Variants in MGAT4C observed in about 807,000 individuals in gnomAD.
MGAT4C encodes alpha-1,3-mannosyl-glycoprotein 4-beta-N-acetylglucosaminyltransferase C.
MGAT4C carries 19 observed loss-of-function variants against 40.1 expected under a neutral mutation model. The observed-to-expected ratio is 0.47, with a 90% CI of 0.33 to 0.70. The LOEUF is 0.70. MGAT4C is among the 30% of genes least tolerant of loss of function. MGAT4C has a pLI of 0.02. For missense variants in MGAT4C, 491 were observed against 563.2 expected (o/e 0.87, Z 1.30); for synonymous variants, 181 against 187.1 (o/e 0.97, Z 0.27).
intron 2 of MGAT4C, among the ~76,000 whole-genome samples, chr12:86,659,965 G>T (rs753564971): frequency 6.6e-6 from 1 of 150,604 alleles, no homozygotes; most frequent in African/African-American, 2.4e-5. Flanking sequence ...TAGCATGTCA[G>T]AACGAGGAAG....
chr12:86,087,333 T>G (rs2135558728), intron 1 of MGAT4C, among the ~76,000 whole-genome samples: 1 of 152,250 alleles, frequency 6.6e-6, no homozygotes, highest in Admixed American at 6.6e-5. Flanking sequence ...TTTCAGTTAT[T>G]TTGTTGCTTC....
chr12:86,128,949 T>G (rs1880743483), intron 1 of MGAT4C, among the ~76,000 whole-genome samples: 1 of 152,112 alleles, frequency 6.6e-6, no homozygotes, highest in Admixed American at 6.6e-5. Flanking sequence ...ACTTTGGCTT[T>G]TTGTTTGCTT....
Position 86,659,782 on chromosome 12 carries a change from C to T in MGAT4C, c.-229+67427G>A, listed in dbSNP as rs1177570895. ...GCAGAGAAGTCACTGTGGTTCTGCACCTGTGGAACTTGCTGAAAATATGTC... is the reference window on the plus strand; with the variant it reads ...GCAGAGAAGTCACTGTGGTTCTGCATCTGTGGAACTTGCTGAAAATATGTC... On this transcript the variant is annotated intron_variant, in intron 2 of 7. Transcript: ENST00000548651. Among the ~76,000 whole-genome samples the T allele has an allele frequency of 7.2e-5, 11 of 151,992 alleles. 1 individual carries two copies.
chr12:85,997,481 GA>G (rs1419340536), intron 2 of MGAT4C, among the ~76,000 whole-genome samples: 1 of 152,100 alleles, frequency 6.6e-6, no homozygotes, highest in Admixed American at 6.5e-5. Flanking sequence ...AGTCTCATCC[GA>G]GACAAGGCAA....
rs528932457 is a variant in MGAT4C, at chr12:86,122,559, C to A, written c.-56-72836G>T. ...TCTATAACATCTCTAAAGTGGTGTG[C>A]AAGCATTTCATCTACGTTAATTATA... On this transcript the variant is annotated intron_variant, in intron 1 of 4. Coordinates refer to ENST00000611864, the MANE Select transcript of MGAT4C (RefSeq NM_001351288.2). 4.9e-4 allele frequency among the ~76,000 whole-genome samples: 75 copies of A among 152,176 alleles called. 2 individuals carry two copies. The highest frequency in any genetic ancestry group is 3.5e-3 in the South Asian group (17 of 4,830).
chr12:86,714,681 T>C (rs1950614143), intron 2 of MGAT4C, among the ~76,000 whole-genome samples: 1 of 152,002 alleles, frequency 6.6e-6, no homozygotes. Flanking sequence ...AACCTCTTTT[T>C]CTTTATAAAT....
At chr12:86,123,012 A>G (rs1302907936) in intron 1 of MGAT4C, among the ~76,000 whole-genome samples, 1 of 152,146 alleles carries the variant, frequency 6.6e-6, no homozygotes, top group East Asian at 1.9e-4. Context: ...TTGTATCTAG[A>G]CAAGCCAGTA....
intron 1 of MGAT4C, among the ~76,000 whole-genome samples, chr12:86,197,779 A>C (rs1039142433): frequency 3.3e-5 from 5 of 152,238 alleles, no homozygotes; most frequent in Non-Finnish European, 5.9e-5. Context: ...TCAAAAAAGT[A>C]AAAGATGCAT....
At chr12:86,421,961 T>C (rs1956836623) in intron 3 of MGAT4C, among the ~76,000 whole-genome samples, 1 of 152,218 alleles carries the variant, frequency 6.6e-6, no homozygotes. Flanking sequence ...TTATTCTCAA[T>C]TACTTAAATG....
chr12:86,461,115 T>G (rs966048948), intron 2 of MGAT4C, among the ~76,000 whole-genome samples: 1 of 152,082 alleles, frequency 6.6e-6, no homozygotes, highest in African/African-American at 2.4e-5. Flanking sequence ...ATCATGGGAA[T>G]AGGTATAGAT....
intron 3 of MGAT4C, among the ~76,000 whole-genome samples, chr12:86,406,288 T>C (rs1183205068): frequency 6.6e-6 from 1 of 151,594 alleles, no homozygotes; most frequent in African/African-American, 2.4e-5. Context: ...GTGAATTTCC[T>C]TATTAAGAGG....
intron 1 of MGAT4C, among the ~76,000 whole-genome samples, chr12:86,076,541 T>C (rs1297185850): frequency 1.3e-5 from 2 of 151,646 alleles, no homozygotes; most frequent in Non-Finnish European, 3.0e-5. Flanking sequence ...TACCGGAAAC[T>C]GGGAAGAAAA....
chr12:86,685,395 A>G (rs930471425), intron 2 of MGAT4C, among the ~76,000 whole-genome samples: 3 of 152,116 alleles, frequency 2.0e-5, no homozygotes, highest in African/African-American at 7.2e-5. Context: ...ATTGGTCTAT[A>G]TATCTGTTTT....
At position 86,325,489 on chromosome 12, in the gene MGAT4C, T is replaced by C. The variant is rs142489388; in HGVS notation, c.-57+8576A>G. ...AAAAGGATTACAGTTCAATCCTGACTTGACTACTTTGTTCTGTGCATGAGC... is the reference window on the plus strand; with the variant it reads ...AAAAGGATTACAGTTCAATCCTGACCTGACTACTTTGTTCTGTGCATGAGC... On this transcript the variant is annotated intron_variant, in intron 4 of 7. Coordinates refer to the MGAT4C transcript ENST00000548651. Among the ~76,000 whole-genome samples, 502 of 152,344 alleles carry C rather than the reference T, an allele frequency of 3.3e-3. 5 individuals carry two copies. The highest frequency in any genetic ancestry group is 0.011 in the African/African-American group (471 of 41,580).
chr12:86,199,244 A>G (rs1041942898), intron 1 of MGAT4C, among the ~76,000 whole-genome samples: 4 of 152,110 alleles, frequency 2.6e-5, no homozygotes, highest in African/African-American at 9.7e-5. Flanking sequence ...TCAGGGATAG[A>G]AGCAGCAGTG....
At chr12:86,191,359 G>A (rs1195415939) in intron 1 of MGAT4C, among the ~76,000 whole-genome samples, 4 of 151,786 alleles carry the variant, frequency 2.6e-5, no homozygotes, top group Admixed American at 1.3e-4. Context: ...AAAACTACGT[G>A]AAATGTCTCC....
chr12:86,274,263 C>G (rs1370474717), intron 4 of MGAT4C, among the ~76,000 whole-genome samples: 1 of 152,140 alleles, frequency 6.6e-6, no homozygotes, highest in African/African-American at 2.4e-5. Context: ...TACCAGGTTC[C>G]ACTTCCAACA....
At chr12:86,658,749 C>A (rs534370670) in intron 2 of MGAT4C, among the ~76,000 whole-genome samples, 1 of 152,176 alleles carries the variant, frequency 6.6e-6, no homozygotes, top group African/African-American at 2.4e-5. Context: ...TTGTTGTTCA[C>A]AATTATTCAC....
At chr12:86,311,469 G>A (rs1035224280) in intron 4 of MGAT4C, among the ~76,000 whole-genome samples, 1 of 84,542 alleles carries the variant, frequency 1.2e-5, no homozygotes, top group Non-Finnish European at 2.2e-5. Flanking sequence ...TTTTTGCTTT[G>A]GTCTAAACTA....
Sources: gnomAD v4.1 joint callset for allele counts (sites outside exome capture counted in the v4.1 genomes callset) on GRCh38, gnomAD v4.1.1 for gene constraint, MANE v1.5 for transcripts, NCBI Gene and HGNC (gene_info 2026-07-23, HGNC 2026-07-21) for gene names.